The following MIDEAS variants were observed in gnomAD, a reference collection of about 807,000 sequenced individuals.
MIDEAS encodes mitotic deacetylase associated SANT domain protein.
Under a neutral mutation model 102.7 loss-of-function variants are expected in MIDEAS, and 26 were observed. The ratio of observed to expected loss-of-function variants is 0.25; its 90% CI spans 0.19 to 0.35. The LOEUF is 0.35. MIDEAS is among the 10% of genes least tolerant of loss of function. The probability of loss-of-function intolerance (pLI) is 1.00; values close to 1 mark genes in which losing one functional copy is unlikely to be tolerated. For missense variants in MIDEAS, 1,231 were observed against 1,435.6 expected, an observed-to-expected ratio of 0.86 and a Z score of 2.30; for synonymous variants, 585 against 591.0, an observed-to-expected ratio of 0.99 and a Z score of 0.15.
intron 3 of MIDEAS, 48 bp from the exon 4 acceptor site, chr14:73,730,033 A>G: frequency 6.3e-7 from 1 of 1,578,362 alleles, no homozygotes; most frequent in Non-Finnish European, 8.7e-7. Context: ...CGTGTCCCAG[A>G]GAAAGTAAAG....
At chr14:73,786,192 A>G (rs1595306548) in intron 1 of MIDEAS, among the ~76,000 whole-genome samples, 1 of 152,262 alleles carries the variant, frequency 6.6e-6, no homozygotes, top group Admixed American at 6.5e-5. Flanking sequence ...CAGTCTCGCC[A>G]CTGGCCCGGG....
intron 10 of MIDEAS, 40 bp from the exon 11 acceptor site, chr14:73,721,549 T>G (rs747985534): frequency 6.3e-6 from 10 of 1,575,102 alleles, no homozygotes; most frequent in Non-Finnish European, 8.7e-6. Flanking sequence ...CCTAGAGCTC[T>G]GTCTCACTGC....
At chr14:73,726,011 T>A (rs1219151500) in intron 8 of MIDEAS, 22 bp downstream of exon 8, 3 of 1,571,820 alleles carry the variant, frequency 1.9e-6, no homozygotes, top group African/African-American at 2.7e-5. Context: ...CCAGGCACCA[T>A]GCCCACCGCA....
Position 73,718,226 on chromosome 14 carries a change from C to A in MIDEAS, c.*617G>T, listed in dbSNP as rs907315141. On this transcript the variant is annotated 3_prime_UTR_variant, in exon 13 of 13. Coordinates refer to ENST00000423556, the MANE Select transcript of MIDEAS (RefSeq NM_001367710.1). ...GCAAAGGGAGAGTACCTGCCGCGGC[C>A]TCCCTCCCAAGGAGGAGGTGGCCAC... The A allele has an allele frequency of 6.6e-6, 1 of 152,458 alleles. No individual in the cohort carries two copies. Among genetic ancestry groups the A allele is most frequent in the African/African-American group, 2.4e-5 (1 of 41,456 alleles). 9.4% of individuals were successfully genotyped at this position (152,458 alleles called of 1,614,324 possible). A position where few individuals can be genotyped will look rare whatever the true frequency, so the allele number is the denominator to read the frequency against.
intron 1 of MIDEAS, among the ~76,000 whole-genome samples, chr14:73,780,741 T>A (rs2053747823): frequency 6.6e-6 from 1 of 152,224 alleles, no homozygotes; most frequent in Non-Finnish European, 1.5e-5. Flanking sequence ...TTCTTGGTGT[T>A]GTTTAACCCA....
chr14:73,749,370 C>CAAAA (rs66510432), intron 1 of MIDEAS, among the ~76,000 whole-genome samples: 4 of 80,638 alleles, frequency 5.0e-5, no homozygotes, highest in South Asian at 3.9e-4. Context: ...CGTGTCTCTA[C>CAAAA]AAAAAAAAAA....
rs190980734 is a variant in MIDEAS at position 73,744,185 on chromosome 14, C to T, written c.-247-3930G>A. On this transcript the variant is annotated intron_variant, in intron 1 of 12. Transcript: ENST00000423556. Reference sequence around the variant, plus strand: ...CTCTCCTGGGATGTCAGCTCAAACACACACTGCTCCCCAAATGCCATCGGC... The same window carrying T: ...CTCTCCTGGGATGTCAGCTCAAACATACACTGCTCCCCAAATGCCATCGGC... 1.9e-3 allele frequency among the ~76,000 whole-genome samples: 288 copies of T among 152,270 alleles called. 1 individual carries two copies. Among genetic ancestry groups the T allele is most frequent in the Non-Finnish European group, 3.2e-3 (215 of 68,028 alleles).
In MIDEAS at chr14:73,742,653, A is replaced by AG. The variant is rs2053297436; in HGVS notation, c.-247-2399dup. Among the ~76,000 whole-genome samples the AG allele has an allele frequency of 6.6e-6, 1 of 152,170 alleles. No homozygotes were observed. Among genetic ancestry groups the AG allele is most frequent in the South Asian group, 2.1e-4 (1 of 4,830 alleles). ...GACAGGGACTTGCTTTGAAGAAATC[A>AG]GGGGGCCTGGTTTGGGGAAGGCTGA... On this transcript the variant is annotated intron_variant, in intron 1 of 12. Coordinates refer to ENST00000423556, the MANE Select transcript of MIDEAS (RefSeq NM_001367710.1). The surrounding 1 kb of genome is among the most constrained non-coding windows in gnomAD (Gnocchi z 4.4).
intron 1 of MIDEAS, among the ~76,000 whole-genome samples, chr14:73,770,466 C>T (rs375743558): frequency 3.3e-5 from 5 of 152,202 alleles, no homozygotes; most frequent in South Asian, 4.1e-4. Context: ...TAGGCCCAGG[C>T]CCCTGGCTTG....
intron 3 of MIDEAS, among the ~76,000 whole-genome samples, chr14:73,735,166 A>G (rs940088787): frequency 2.6e-5 from 4 of 152,186 alleles, no homozygotes; most frequent in Non-Finnish European, 5.9e-5. Context: ...AAAAAAGAAT[A>G]AGTTCAGGAA....
At chr14:73,726,444 T>C in intron 7 of MIDEAS, among the ~76,000 whole-genome samples, 160 bp downstream of exon 7, 1 of 152,200 alleles carries the variant, frequency 6.6e-6, no homozygotes, top group Non-Finnish European at 1.5e-5. Flanking sequence ...GGTCTGAAAC[T>C]AGGGCTCCCT....
chr14:73,765,469 T>C (rs1487582914), intron 1 of MIDEAS, among the ~76,000 whole-genome samples: 14 of 152,180 alleles, frequency 9.2e-5, no homozygotes, highest in Admixed American at 9.2e-4. Context: ...TTGGCTATCA[T>C]TTTTTCTCAT....
chr14:73,718,485 G>A lies in MIDEAS; in HGVS notation c.*358C>T, dbSNP rs188141243. 4.6e-4 allele frequency: 83 copies of A among 179,358 alleles called. No individual in the cohort carries two copies. The highest frequency in any genetic ancestry group is 1.9e-3 in the African/African-American group (79 of 42,632). 11.1% of individuals were successfully genotyped at this position (179,358 alleles called of 1,614,324 possible). On this transcript the variant is annotated 3_prime_UTR_variant, in exon 13 of 13. Coordinates refer to ENST00000423556, the MANE Select transcript of MIDEAS (RefSeq NM_001367710.1). ...CACGGTGGCTTCCTGGAGGCCGAGG[G>A]GAGGAGGGGGAAGCAAATAAAGGGA...
chr14:73,780,320 T>C (rs1467663010), intron 1 of MIDEAS, among the ~76,000 whole-genome samples: 1 of 152,172 alleles, frequency 6.6e-6, no homozygotes, highest in Non-Finnish European at 1.5e-5. Context: ...CTAGAGGTGA[T>C]GGAAAGGGTC....
chr14:73,733,570 C>G (rs1317459680), intron 3 of MIDEAS, among the ~76,000 whole-genome samples: 1 of 152,146 alleles, frequency 6.6e-6, no homozygotes, highest in African/African-American at 2.4e-5. Flanking sequence ...GCCTGCACAA[C>G]AGAGTGAGAC....
chr14:73,785,571 G>C (rs2053799365), intron 1 of MIDEAS, among the ~76,000 whole-genome samples: 1 of 152,184 alleles, frequency 6.6e-6, no homozygotes, highest in Admixed American at 6.5e-5. Flanking sequence ...CAGGCTTAAA[G>C]TCTAGCACGC....
upstream of MIDEAS, among the ~76,000 whole-genome samples, chr14:73,788,155 GAAA>G (rs71115905): frequency 3.8e-5 from 5 of 130,656 alleles, no homozygotes; most frequent in Non-Finnish European, 1.7e-5. Flanking sequence ...CTTTGCTGGT[GAAA>G]AAAAAAAAAA....
Position 73,739,412 on chromosome 14 carries a change from A to T in MIDEAS, c.597T>A (p.Asn199Lys). 6.3e-7 allele frequency: 1 copy of T among 1,582,596 alleles called. No homozygotes were observed. Among genetic ancestry groups the T allele is most frequent in the Non-Finnish European group, 8.6e-7 (1 of 1,163,070 alleles). The stretch of plus-strand genomic sequence containing the variant: ...GGGGTTTCTTGGCTGCGTGGAAAGA[A>T]TTCAGGGGTGCCTGGGGCCGCCCTA... ...LEVGRPQAPL[N>K]SFHAAKKPPN... Residue 199 changes from asparagine to lysine, a missense_variant, in exon 2 of 13, where the codon AAT becomes AAA. Transcript: ENST00000423556.
chr14:73,719,054 G>A (rs760172429), intron 12 of MIDEAS, 46 bp from the exon 13 acceptor site: 2 of 1,448,854 alleles, frequency 1.4e-6, no homozygotes, highest in South Asian at 1.4e-5. Flanking sequence ...GCCCACCCGG[G>A]GGCCCCCAGC....
Sources: gnomAD v4.1 joint callset for allele counts (sites outside exome capture counted in the v4.1 genomes callset) on GRCh38, gnomAD v4.1.1 for gene constraint, Gnocchi (gnomAD v3.1) non-coding constraint, MANE v1.5 for transcripts, NCBI Gene and HGNC (gene_info 2026-07-23, HGNC 2026-07-21) for gene names.